The following PDS5B variants were observed in gnomAD, a reference collection of about 807,000 sequenced individuals.
The protein encoded by PDS5B is PDS5 cohesin associated factor B.
A neutral mutation model predicts 184.1 loss-of-function variants in PDS5B; 51 were observed. That is an observed-to-expected ratio of 0.28 (90% CI 0.22 to 0.35). The LOEUF is 0.35. Among genes scored for constraint, PDS5B ranks in the 10% least tolerant of loss-of-function variants. The pLI is 1.00. For missense variants in PDS5B, 1,180 were observed against 1,723.3 expected, an observed-to-expected ratio of 0.68 and a Z score of 5.58; for synonymous variants, 566 against 569.2, an observed-to-expected ratio of 0.99 and a Z score of 0.08.
intron 17 of PDS5B, among the ~76,000 whole-genome samples, chr13:32,701,642 A>G (rs887358819): frequency 4.6e-5 from 7 of 151,798 alleles, no homozygotes; most frequent in African/African-American, 1.7e-4. Context: ...ATATACACTC[A>G]TCTGTACCTG....
At chr13:32,600,879 G>C (rs138524458) in intron 1 of PDS5B, among the ~76,000 whole-genome samples, 52 of 152,228 alleles carry the variant, frequency 3.4e-4, no homozygotes, top group African/African-American at 1.2e-3. Flanking sequence ...TTTTCTTCTG[G>C]GATCCTTGGA....
intron 19 of PDS5B, among the ~76,000 whole-genome samples, chr13:32,720,037 A>G (rs1470125356): frequency 6.6e-6 from 1 of 152,110 alleles, no homozygotes; most frequent in Non-Finnish European, 1.5e-5. Flanking sequence ...GCCTTAAGTA[A>G]TCTGTCCGCC....
chr13:32,737,407 T>G (rs1953376172), intron 21 of PDS5B, among the ~76,000 whole-genome samples: 2 of 152,186 alleles, frequency 1.3e-5, no homozygotes, highest in South Asian at 4.1e-4. Context: ...ATTCTTAATC[T>G]TGTTCTTCTA....
chr13:32,615,531 A>G (rs1401529054), intron 1 of PDS5B, among the ~76,000 whole-genome samples: 1 of 152,160 alleles, frequency 6.6e-6, no homozygotes, highest in Non-Finnish European at 1.5e-5. Flanking sequence ...ATTGTACTTT[A>G]TTATATTTTG....
chr13:32,707,574 A>G (rs774550142), intron 18 of PDS5B, among the ~76,000 whole-genome samples: 5 of 148,652 alleles, frequency 3.4e-5, no homozygotes, highest in Non-Finnish European at 5.9e-5. Context: ...TTATTAAAGT[A>G]TAAGCATTTT....
intron 1 of PDS5B, among the ~76,000 whole-genome samples, chr13:32,629,939 A>T (rs9595949): frequency 0.38 from 57,100 of 152,052 alleles, 11,129 homozygotes; most frequent in Non-Finnish European, 0.43. Context: ...TGACTAGTTT[A>T]TAGGCTTTTA....
intron 1 of PDS5B, among the ~76,000 whole-genome samples, chr13:32,616,011 C>T (rs902161431): frequency 1.3e-5 from 2 of 151,714 alleles, no homozygotes; most frequent in African/African-American, 4.8e-5. Flanking sequence ...TTTGGAAATA[C>T]ATCAAGATGC....
intron 1 of PDS5B, among the ~76,000 whole-genome samples, chr13:32,607,000 G>A (rs1293179218): frequency 1.3e-5 from 2 of 152,102 alleles, no homozygotes; most frequent in Non-Finnish European, 2.9e-5. Flanking sequence ...TCTTTGCGAT[G>A]GGTTTGAACA....
chr13:32,605,102 C>G (rs902451615), intron 1 of PDS5B, among the ~76,000 whole-genome samples: 3 of 152,088 alleles, frequency 2.0e-5, no homozygotes, highest in African/African-American at 7.2e-5. Flanking sequence ...TTAGTTATTT[C>G]TTGCCTTCTG....
At chr13:32,680,762 G>A (rs1349941855) in intron 10 of PDS5B, among the ~76,000 whole-genome samples, 1 of 152,168 alleles carries the variant, frequency 6.6e-6, no homozygotes, top group East Asian at 1.9e-4. Flanking sequence ...GAAGAGTGTA[G>A]TGTATATTGA....
At chr13:32,680,418 G>A (rs1310994863) in intron 10 of PDS5B, among the ~76,000 whole-genome samples, 1 of 152,176 alleles carries the variant, frequency 6.6e-6, no homozygotes, top group African/African-American at 2.4e-5. Context: ...TCTTCATCCT[G>A]TCAAATTTCT....
chr13:32,687,845 A>G (rs1951439940), intron 12 of PDS5B, among the ~76,000 whole-genome samples: 1 of 152,176 alleles, frequency 6.6e-6, no homozygotes, highest in Admixed American at 6.6e-5. Flanking sequence ...GTGGAGACCA[A>G]ATGATTTTGC....
chr13:32,623,292 A>T (rs1166536432), intron 1 of PDS5B, among the ~76,000 whole-genome samples: 1 of 152,196 alleles, frequency 6.6e-6, no homozygotes, highest in African/African-American at 2.4e-5. Flanking sequence ...ACCACTGGCT[A>T]CATGATTCCT....
intron 28 of PDS5B, 60 bp downstream of exon 28, chr13:32,758,713 T>C (rs1954272813): frequency 3.3e-6 from 5 of 1,533,308 alleles, no homozygotes; most frequent in Non-Finnish European, 4.5e-6. Flanking sequence ...AGCACTGGAT[T>C]GTAGGAAGAT....
At chr13:32,706,053 A>G (rs1203693589) in intron 17 of PDS5B, among the ~76,000 whole-genome samples, 5 of 152,006 alleles carry the variant, frequency 3.3e-5, no homozygotes, top group Admixed American at 3.3e-4. Context: ...AAAGGCGGGC[A>G]GATCACTTCA....
chr13:32,728,464 A>G (rs1188178085), intron 19 of PDS5B, among the ~76,000 whole-genome samples: 1 of 135,342 alleles, frequency 7.4e-6, no homozygotes, highest in African/African-American at 2.7e-5. Context: ...TCCTAACACG[A>G]TTGAGGATCA....
chr13:32,718,818 T>C (rs1320327248), intron 19 of PDS5B, among the ~76,000 whole-genome samples: 3 of 152,176 alleles, frequency 2.0e-5, no homozygotes, highest in Non-Finnish European at 4.4e-5. Flanking sequence ...TACATTATTA[T>C]GGGAGTAAAC....
chr13:32,771,654 C>G (rs1431508765), intron 33 of PDS5B, among the ~76,000 whole-genome samples: 2 of 151,992 alleles, frequency 1.3e-5, no homozygotes, highest in Non-Finnish European at 1.5e-5. Context: ...GTACTTCATG[C>G]CATCTTCCAT....
At chr13:32,619,990 G>C (rs1215701964) in intron 1 of PDS5B, among the ~76,000 whole-genome samples, 1 of 151,926 alleles carries the variant, frequency 6.6e-6, no homozygotes, top group Non-Finnish European at 1.5e-5. Flanking sequence ...GTAGAGACAG[G>C]GTTTCACTAT....
Sources: gnomAD v4.1 joint callset for allele counts (sites outside exome capture counted in the v4.1 genomes callset) on GRCh38, gnomAD v4.1.1 for gene constraint, MANE v1.5 for transcripts, NCBI Gene and HGNC (gene_info 2026-07-23, HGNC 2026-07-21) for gene names.